Variants in DST observed in about 807,000 individuals in gnomAD.
The protein encoded by DST is dystonin.
Under a neutral mutation model 875.2 loss-of-function variants are expected in DST, and 253 were observed. The ratio of observed to expected loss-of-function variants is 0.29; its 90% confidence interval spans 0.26 to 0.32. The LOEUF (loss-of-function observed/expected upper bound fraction) is 0.32, where lower values mean the gene tolerates loss of function less well. Among genes scored for constraint, DST ranks in the 10% least tolerant of loss-of-function variants. The pLI, the probability that DST is intolerant of heterozygous loss-of-function variation, is 1.00. For missense variants in DST, 8,287 were observed against 9,111.6 expected (o/e 0.91, Z 3.68); for synonymous variants, 3,124 against 3,197.1 (o/e 0.98, Z 0.77).
At chr6:56,854,990 G>T (rs900517190) in intron 3 of DST, among the ~76,000 whole-genome samples, 3 of 152,298 alleles carry the variant, frequency 2.0e-5, no homozygotes, top group African/African-American at 7.2e-5. Context: ...AAGAGCTGTG[G>T]AGTAACCATA....
intron 31 of DST, among the ~76,000 whole-genome samples, chr6:56,629,946 C>G (rs920407698): frequency 2.6e-4 from 39 of 152,130 alleles, no homozygotes; most frequent in African/African-American, 8.7e-4. Flanking sequence ...AAATTAACTT[C>G]TTTTTCAGCA....
At chr6:56,640,652 T>A in intron 17 of DST, 47 bp from the exon 18 acceptor site, 11 of 1,371,914 alleles carry the variant, frequency 8.0e-6, no homozygotes, top group Non-Finnish European at 1.1e-5. Context: ...AAGGCACTTG[T>A]AACAAAGAGT....
intron 4 of DST, among the ~76,000 whole-genome samples, chr6:56,781,078 A>G (rs2152991364): frequency 6.6e-6 from 1 of 151,634 alleles, no homozygotes; most frequent in East Asian, 1.9e-4. Flanking sequence ...CTGTCCATTG[A>G]TCTATATCTC....
chr6:56,636,468 T>G, intron 23 of DST, 89 bp downstream of exon 23: 1 of 994,440 alleles, frequency 1.0e-6, no homozygotes. Flanking sequence ...AAACACATTG[T>G]TATCCTAACA....
intron 2 of DST, among the ~76,000 whole-genome samples, chr6:56,938,108 C>CTCTCTCTCTCTCTCTCTATATATA (rs1383243392): frequency 1.2e-4 from 14 of 120,742 alleles, no homozygotes; most frequent in African/African-American, 4.9e-4. Flanking sequence ...CTCTCTCTCT[C>CTCTCTCTCTCTCTCTCTATATATA]TATATATATA....
intron 69 of DST, among the ~76,000 whole-genome samples, chr6:56,518,522 G>GT (rs1212266840): frequency 1.3e-5 from 2 of 152,010 alleles, no homozygotes; most frequent in Non-Finnish European, 2.9e-5. Context: ...CTGGATTTTC[G>GT]TTTAAGCTTT....
rs1387580188 is a variant in DST at position 56,561,373 on chromosome 6, T to C, written c.14245A>G (p.Lys4749Glu). Residue 4749 changes from lysine to glutamate, a missense_variant, in exon 57 of 104, where the codon AAA becomes GAA. Around this residue, in one of 10 missense-constraint regions of DST, gnomAD observed 1,513 missense variants for 1,677.8 expected, o/e 0.90. Coordinates refer to ENST00000680361, the MANE Select transcript of DST (RefSeq NM_001374736.1). Reference protein sequence around the residue: ...WLQKMNKTATKWQQTPAPTDT... With the variant: ...WLQKMNKTATEWQQTPAPTDT... Reference sequence around the variant, plus strand: ...GTAGGTGCAGGTGTCTGCTGCCATTTTGTTGCAGTTTTGTTCATTTTCTGT... The same window carrying C: ...GTAGGTGCAGGTGTCTGCTGCCATTCTGTTGCAGTTTTGTTCATTTTCTGT... 1.2e-6 allele frequency: 2 copies of C among 1,613,858 alleles called. No homozygotes were observed. The highest frequency in any genetic ancestry group is 3.3e-5 in the Admixed American group (2 of 60,006).
rs570718803 is a variant in DST, at chr6:56,603,047, G to C, written c.11158-16C>G. 2 of 1,555,486 alleles carry C rather than the reference G, an allele frequency of 1.3e-6. No individual in the cohort carries two copies. The highest frequency in any genetic ancestry group is 1.2e-5 in the South Asian group (1 of 80,820). ...CTAGTTTAGACTAGAAAAAAAAATT[G>C]TGCATTCAGTTATCTTTCCCCAAAA... On this transcript the variant is annotated splice_polypyrimidine_tract_variant and intron_variant, in intron 42 of 103. Transcript: ENST00000680361.
At chr6:56,783,595 T>C (rs2099698868) in intron 4 of DST, among the ~76,000 whole-genome samples, 1 of 152,080 alleles carries the variant, frequency 6.6e-6, no homozygotes, top group Admixed American at 6.6e-5. Flanking sequence ...TCCTCCATCC[T>C]TTTATTTTGA....
At chr6:56,557,611 T>C (rs939384986) in intron 58 of DST, 93 bp from the exon 59 acceptor site, 22 of 907,890 alleles carry the variant, frequency 2.4e-5, no homozygotes, top group Non-Finnish European at 3.5e-5. Context: ...TAAAATGATA[T>C]ATAATGGCTA....
intron 2 of DST, among the ~76,000 whole-genome samples, chr6:56,950,409 G>A (rs554113684): frequency 1.1e-4 from 17 of 152,146 alleles, no homozygotes; most frequent in South Asian, 2.1e-4. Context: ...ATAATCTAAT[G>A]GTACCTCAAT....
chr6:56,609,016 T>G lies in DST; in HGVS notation c.5612A>C (p.Lys1871Thr). Residue 1871 changes from lysine to threonine, a missense_variant, in exon 40 of 104, where the codon AAA becomes ACA. Lys to Thr is a moderately conservative substitution (Grantham distance 78). This residue lies in a region of DST where 3,138 missense variants were observed against 3,116.6 expected (regional missense o/e 1.01). Transcript: ENST00000680361. The part of the protein sequence containing the change: ...QSMITESMAI[K>T]VLEILLSTGS... ...TGTAGAAAGCAGTATCTCAAGAACT[T>G]TGATGGCCATGGATTCTGTTATCAT... 1.9e-6 allele frequency: 3 copies of G among 1,613,876 alleles called. No individual in the cohort carries two copies. Among genetic ancestry groups the G allele is most frequent in the Non-Finnish European group, 2.5e-6 (3 of 1,179,808 alleles).
At chr6:56,725,101 G>A (rs150777027) in intron 5 of DST, among the ~76,000 whole-genome samples, 81 of 152,272 alleles carry the variant, frequency 5.3e-4, no homozygotes, top group African/African-American at 1.7e-3. Flanking sequence ...GCCTAGAAAG[G>A]TTCAAAGTCA....
At chr6:56,839,814 C>T (rs1275267025) in intron 4 of DST, among the ~76,000 whole-genome samples, 2 of 152,038 alleles carry the variant, frequency 1.3e-5, no homozygotes, top group Non-Finnish European at 2.9e-5. Context: ...GAAACTAAAG[C>T]AATTATACAA....
intron 3 of DST, among the ~76,000 whole-genome samples, chr6:56,880,030 A>T (rs1377313648): frequency 6.6e-6 from 1 of 152,258 alleles, no homozygotes; most frequent in Non-Finnish European, 1.5e-5. Context: ...CACAATGAAT[A>T]GGTACCTTTC....
At position 56,593,659 on chromosome 6, in the gene DST, T is replaced by C. The variant is rs753345492; in HGVS notation, c.12726+4A>G. On this transcript the variant is annotated splice_donor_region_variant and intron_variant, in intron 48 of 103. Coordinates refer to ENST00000680361, the MANE Select transcript of DST (RefSeq NM_001374736.1). ...TTTCCCTTAAAAAATCAAAATAACA[T>C]TACCTTAGAGTAGAGAGACCTGAAC... 6.7e-7 allele frequency: 1 copy of C among 1,491,438 alleles called. No individual in the cohort carries two copies. The highest frequency in any genetic ancestry group is 8.9e-7 in the Non-Finnish European group (1 of 1,119,102). 92.4% of individuals were successfully genotyped at this position (1,491,438 alleles called of 1,614,324 possible).
At chr6:56,641,137 G>T (rs1318269427) in intron 17 of DST, among the ~76,000 whole-genome samples, 1 of 151,706 alleles carries the variant, frequency 6.6e-6, no homozygotes, top group Non-Finnish European at 1.5e-5. Context: ...GAGAGAGAGA[G>T]AGAGAGAGAG....
At chr6:56,712,914 AT>A (rs1355735582) in intron 5 of DST, among the ~76,000 whole-genome samples, 1 of 152,204 alleles carries the variant, frequency 6.6e-6, no homozygotes, top group African/African-American at 2.4e-5. Context: ...AAATTCATAA[AT>A]CAGATTCAAA....
Position 56,460,122 on chromosome 6 carries a change from C to T in DST, c.23194+9G>A. The T allele has an allele frequency of 6.2e-7, 1 of 1,604,248 alleles. No homozygotes were observed. Among genetic ancestry groups the T allele is most frequent in the Non-Finnish European group, 8.5e-7 (1 of 1,173,280 alleles). ...AAAGCCATTGAAAAAAGAAAGGCAC[C>T]ACACTCACCAGCAAACTGTGTTCGG... On this transcript the variant is annotated intron_variant, in intron 103 of 103. Transcript: ENST00000680361.
Sources: allele counts gnomAD v4.1 joint callset (sites outside exome capture counted in the v4.1 genomes callset), GRCh38; gene constraint gnomAD v4.1.1; regional missense constraint gnomAD v4.1.1; transcripts MANE v1.5; gene names NCBI Gene and HGNC (gene_info 2026-07-23, HGNC 2026-07-21).